The following AK5 variants were observed in gnomAD, a reference collection of about 807,000 sequenced individuals.
AK5 encodes the protein adenylate kinase isoenzyme 5.
Under a neutral mutation model 69.5 loss-of-function variants are expected in AK5, and 27 were observed. The ratio of observed to expected loss-of-function variants is 0.39; its 90% CI spans 0.29 to 0.54. AK5 has a LOEUF of 0.54. AK5 is among the 20% of genes least tolerant of loss of function. The pLI is 0.71. For synonymous variants in AK5, 260 were observed against 244.4 expected, an observed-to-expected ratio of 1.06 and a Z score of -0.60; for missense variants, 531 against 700.4, an observed-to-expected ratio of 0.76 and a Z score of 2.73.
chr1:77,424,775 A>G (rs1260454625), intron 8 of AK5, among the ~76,000 whole-genome samples: 1 of 152,238 alleles, frequency 6.6e-6, no homozygotes, highest in Non-Finnish European at 1.5e-5. Flanking sequence ...AACATAGGAC[A>G]GCTACAAAAG....
intron 6 of AK5, among the ~76,000 whole-genome samples, chr1:77,358,979 T>A (rs1570435508): frequency 6.6e-6 from 1 of 150,626 alleles, no homozygotes; most frequent in Non-Finnish European, 1.5e-5. Context: ...TTACAGGCGG[T>A]GCATGGTGGC....
chr1:77,329,068 AC>A (rs1174489390), intron 5 of AK5, among the ~76,000 whole-genome samples: 1 of 152,128 alleles, frequency 6.6e-6, no homozygotes, highest in African/African-American at 2.4e-5. Flanking sequence ...TAGAATGGCA[AC>A]TAAATTGCCA....
chr1:77,367,557 T>TA lies in AK5; in HGVS notation c.891+26989_891+26990insA, dbSNP rs1557532485. On this transcript the variant is annotated intron_variant, in intron 6 of 13. Coordinates refer to ENST00000354567, the MANE Select transcript of AK5 (RefSeq NM_174858.3). Reference sequence around the variant, plus strand: ...TTGCCCAGACTCATTTATGTTATTTTTATATATATATATATATATATAATA... The same window carrying TA: ...TTGCCCAGACTCATTTATGTTATTTTATATATATATATATATATATATAATA... Among the ~76,000 whole-genome samples, 29 of 59,404 alleles carry TA rather than the reference T, an allele frequency of 4.9e-4. 5 individuals are homozygous for TA. Among genetic ancestry groups the TA allele is most frequent in the African/African-American group, 2.6e-3 (29 of 11,332 alleles). The allele number at this position is 59,404 out of a possible 152,430, so 39.0% of individuals were successfully genotyped here.
At chr1:77,521,674 T>C (rs1351074794) in intron 11 of AK5, among the ~76,000 whole-genome samples, 153 bp from the exon 12 acceptor site, 4 of 151,766 alleles carry the variant, frequency 2.6e-5, no homozygotes, top group Non-Finnish European at 4.4e-5. Context: ...GGGGTGGAGG[T>C]GGAAGAGTGA....
rs144167542 is a variant in AK5, at chr1:77,515,389, A to C, written c.1148-3175A>C. ...CCGCACAAAGAAAGGAGTTTTAAGT[A>C]TGAAAAAAGGCAAACCAGGAAAACC... On this transcript the variant is annotated intron_variant, in intron 10 of 13. Coordinates refer to ENST00000354567, the MANE Select transcript of AK5 (RefSeq NM_174858.3). 4.2e-3 allele frequency among the ~76,000 whole-genome samples: 638 copies of C among 152,362 alleles called. 2 individuals are homozygous for C. The highest frequency in any genetic ancestry group is 0.015 in the African/African-American group (619 of 41,578).
intron 8 of AK5, among the ~76,000 whole-genome samples, chr1:77,467,667 A>G (rs12097089): frequency 0.02 from 3,069 of 152,300 alleles, 112 homozygotes; most frequent in African/African-American, 0.07. Context: ...ATTTTAGTAC[A>G]CATAAAGAAA....
intron 11 of AK5, among the ~76,000 whole-genome samples, chr1:77,519,889 C>T (rs1184054464): frequency 6.6e-6 from 1 of 152,144 alleles, no homozygotes; most frequent in Non-Finnish European, 1.5e-5. Context: ...TACTGACCTC[C>T]TATCTCATCC....
intron 8 of AK5, among the ~76,000 whole-genome samples, chr1:77,461,922 C>A (rs1411707735): frequency 6.6e-6 from 1 of 152,108 alleles, no homozygotes; most frequent in Non-Finnish European, 1.5e-5. Context: ...TGTTAATTAG[C>A]TAGGTTTAGC....
Position 77,374,121 on chromosome 1 carries a change from G to C in AK5, c.891+33553G>C, listed in dbSNP as rs367865003. On this transcript the variant is annotated intron_variant, in intron 6 of 13. Coordinates refer to ENST00000354567, the MANE Select transcript of AK5 (RefSeq NM_174858.3). The stretch of plus-strand genomic sequence containing the variant: ...TAAGAACTCACCTGAAATTAGATTG[G>C]TATCTCAGCTTCTTTACTGAGGCAT... Among the ~76,000 whole-genome samples, 158 of 152,210 alleles carry C rather than the reference G, an allele frequency of 1.0e-3. 3 individuals are homozygous for C. In the South Asian group the frequency reaches 0.031, roughly 30 times the overall value.
rs895486461 is a variant in AK5, at chr1:77,525,978, GA to G, written c.1428+4044del. 4.6e-5 allele frequency among the ~76,000 whole-genome samples: 7 copies of G among 150,932 alleles called. No homozygotes were observed. The East Asian group carries it at 9.7e-4, about 21-fold the overall frequency. ...TTTTAAAATGATGTTTCTATTCCTG[GA>G]AAAAAAAATTAGGATTTTGATAGGG... On this transcript the variant is annotated intron_variant, in intron 12 of 13. Transcript: ENST00000354567.
rs763798594 is a variant in AK5, at chr1:77,398,058, C to T, written c.892-12923C>T. ...GTTCTTTTTGATTCCACTTGATCTC[C>T]ATTGAATCTTACAATAATTATGAAC... On this transcript the variant is annotated intron_variant, in intron 6 of 13. Coordinates refer to ENST00000354567, the MANE Select transcript of AK5 (RefSeq NM_174858.3). Among the ~76,000 whole-genome samples the T allele has an allele frequency of 8.5e-5, 13 of 152,236 alleles. No individual in the cohort carries two copies. In the East Asian group the frequency reaches 2.1e-3, roughly 25 times the overall value.
intron 8 of AK5, among the ~76,000 whole-genome samples, chr1:77,470,844 TATATATATATA>T (rs1654421177): frequency 2.6e-4 from 1 of 3,900 alleles, no homozygotes; most frequent in Non-Finnish European, 3.9e-4. Context: ...TATATATATA[TATATATATATA>T]TATATATATA....
At chr1:77,379,329 C>T (rs1158177087) in intron 6 of AK5, among the ~76,000 whole-genome samples, 2 of 152,192 alleles carry the variant, frequency 1.3e-5, no homozygotes, top group Non-Finnish European at 2.9e-5. Context: ...TCATCATTAT[C>T]GCAGATCCCA....
In AK5 at chr1:77,335,716, A is replaced by C. The variant is rs550487281; in HGVS notation, c.700-4661A>C. On this transcript the variant is annotated intron_variant, in intron 5 of 13. Coordinates refer to ENST00000354567, the MANE Select transcript of AK5 (RefSeq NM_174858.3). ...AGCATCCTTATGGCTGGGGTGGAGC[A>C]GTCAGCTGATTACGCCTACCTGCTG... is the stretch of plus-strand genomic sequence containing the variant. Among the ~76,000 whole-genome samples, 119 of 152,316 alleles carry C rather than the reference A, an allele frequency of 7.8e-4. 1 individual carries two copies. The highest frequency in any genetic ancestry group is 2.7e-3 in the African/African-American group (114 of 41,576).
intron 6 of AK5, among the ~76,000 whole-genome samples, chr1:77,408,759 CT>C (rs1292508713): frequency 7.3e-5 from 11 of 151,548 alleles, no homozygotes; most frequent in Admixed American, 7.2e-4. Context: ...CTATTTTTTT[CT>C]TTTTTAATTT....
At chr1:77,406,528 G>GT (rs950992337) in intron 6 of AK5, among the ~76,000 whole-genome samples, 6 of 152,220 alleles carry the variant, frequency 3.9e-5, no homozygotes, top group South Asian at 2.1e-4. Flanking sequence ...ATGATATCCT[G>GT]TTTTTTCCCC....
chr1:77,479,196 C>CTT (rs67079216), intron 8 of AK5, among the ~76,000 whole-genome samples: 47 of 71,900 alleles, frequency 6.5e-4, no homozygotes, highest in African/African-American at 1.5e-3. Flanking sequence ...CTGAAATTGT[C>CTT]TTTTTTTTTT....
chr1:77,310,913 A>G (rs1472507860), intron 5 of AK5, among the ~76,000 whole-genome samples: 2 of 152,064 alleles, frequency 1.3e-5, no homozygotes, highest in Admixed American at 1.3e-4. Context: ...ATAATTTTTC[A>G]TATAAATATC....
At chr1:77,476,906 T>TA (rs144510620) in intron 8 of AK5, among the ~76,000 whole-genome samples, 74,485 of 148,404 alleles carry the variant, frequency 0.5, 18,837 homozygotes, top group Middle Eastern at 0.63. Flanking sequence ...TGCTGTTTTT[T>TA]TAAAAAAAAA....
Sources: gnomAD v4.1 joint callset for allele counts (sites outside exome capture counted in the v4.1 genomes callset) on GRCh38, gnomAD v4.1.1 for gene constraint, MANE v1.5 for transcripts, NCBI Gene and HGNC (gene_info 2026-07-23, HGNC 2026-07-21) for gene names.